Variants in DCC observed in about 807,000 individuals in gnomAD.
DCC encodes netrin receptor DCC.
A neutral mutation model predicts 172.5 loss-of-function variants in DCC; 58 were observed. The observed-to-expected ratio is 0.34, with a 90% CI of 0.27 to 0.42. The LOEUF (loss-of-function observed/expected upper bound fraction) is 0.42. Ranked by LOEUF, DCC falls within the 10% of genes least tolerant of loss-of-function variation. DCC has a pLI of 1.00. For missense variants in DCC, 1,740 were observed against 1,791.0 expected (o/e 0.97, Z 0.51); for synonymous variants, 709 against 644.5 (o/e 1.10, Z -1.52).
rs1175897701 is a variant in DCC, at chr18:53,205,206, T to G, written c.1574-10T>G. On this transcript the variant is annotated splice_polypyrimidine_tract_variant and intron_variant, in intron 9 of 28. Transcript: ENST00000442544. The stretch of plus-strand genomic sequence containing the variant: ...ACTTTTCTTTCTTTCTTTATTATTT[T>G]TTTATACAGTGCAAGTTCCAGGGCC... The G allele has an allele frequency of 2.5e-6, 4 of 1,609,828 alleles. No individual in the cohort carries two copies. In the East Asian group the frequency reaches 8.9e-5, roughly 36 times the overall value.
At chr18:52,950,849 C>T (rs577743853) in intron 5 of DCC, among the ~76,000 whole-genome samples, 9 of 138,158 alleles carry the variant, frequency 6.5e-5, no homozygotes, top group East Asian at 4.8e-4. Context: ...GGCGTGAACC[C>T]GGGAGGCGGA....
chr18:52,987,461 G>C (rs1599001928), intron 5 of DCC, among the ~76,000 whole-genome samples: 2 of 152,122 alleles, frequency 1.3e-5, no homozygotes, highest in Admixed American at 1.3e-4. Flanking sequence ...TTCATCATTT[G>C]TTGACCACAC....
intron 1 of DCC, among the ~76,000 whole-genome samples, chr18:52,522,812 G>T (rs1461825076): frequency 1.3e-5 from 2 of 152,066 alleles, no homozygotes; most frequent in Non-Finnish European, 2.9e-5. Flanking sequence ...ATATTTTATA[G>T]TACCCCACCT....
intron 5 of DCC, among the ~76,000 whole-genome samples, chr18:53,023,551 T>C (rs901639513): frequency 2.8e-4 from 43 of 151,946 alleles, no homozygotes; most frequent in Admixed American, 2.8e-3. Context: ...TTTACAAACC[T>C]GCACATGGAC....
At chr18:53,500,345 C>T (rs1438636126) in intron 27 of DCC, among the ~76,000 whole-genome samples, 2 of 152,022 alleles carry the variant, frequency 1.3e-5, no homozygotes, top group Non-Finnish European at 2.9e-5. Flanking sequence ...TAGAATAATT[C>T]TTAAAATCCT....
At chr18:52,674,331 G>A (rs891637407) in intron 1 of DCC, among the ~76,000 whole-genome samples, 7 of 152,060 alleles carry the variant, frequency 4.6e-5, no homozygotes, top group African/African-American at 1.7e-4. Flanking sequence ...AAGGGCAGGA[G>A]AACAATGATG....
At chr18:52,619,169 C>A (rs1487428344) in intron 1 of DCC, among the ~76,000 whole-genome samples, 1 of 152,158 alleles carries the variant, frequency 6.6e-6, no homozygotes, top group South Asian at 2.1e-4. Context: ...AACTCCTGAC[C>A]TCAAGTGATC....
At chr18:52,614,897 G>T (rs1598959095) in intron 1 of DCC, among the ~76,000 whole-genome samples, 1 of 152,284 alleles carries the variant, frequency 6.6e-6, no homozygotes. Context: ...ATGTCATCCA[G>T]AGTGGCTACT....
intron 3 of DCC, among the ~76,000 whole-genome samples, chr18:52,907,325 TCC>T (rs1451385021): frequency 6.2e-4 from 93 of 149,420 alleles, no homozygotes; most frequent in African/African-American, 2.1e-3. Flanking sequence ...TATGTATATA[TCC>T]ATATGGATAT....
chr18:52,459,481 T>C (rs1351327034), intron 1 of DCC, among the ~76,000 whole-genome samples: 6 of 152,078 alleles, frequency 3.9e-5, no homozygotes, highest in Admixed American at 3.9e-4. Flanking sequence ...TCTTTCTTTC[T>C]TTTTGAAACA....
intron 1 of DCC, among the ~76,000 whole-genome samples, chr18:52,363,610 A>AG (rs1984714766): frequency 6.6e-6 from 1 of 152,218 alleles, no homozygotes; most frequent in Non-Finnish European, 1.5e-5. Context: ...ATAGCCCATA[A>AG]GAAAGGGCAC....
intron 20 of DCC, among the ~76,000 whole-genome samples, chr18:53,413,585 A>T (rs974837458): frequency 8.5e-5 from 13 of 152,216 alleles, no homozygotes; most frequent in Non-Finnish European, 5.9e-5. Flanking sequence ...TTCAAAAGAT[A>T]AAAATGAGAA....
chr18:52,925,224 T>A lies in DCC; in HGVS notation c.849-10T>A. 1 of 1,611,424 alleles carries A rather than the reference T, an allele frequency of 6.2e-7. No individual in the cohort carries two copies. Among genetic ancestry groups the A allele is most frequent in the Non-Finnish European group, 8.5e-7 (1 of 1,177,940 alleles). On this transcript the variant is annotated splice_polypyrimidine_tract_variant and intron_variant, in intron 4 of 28. Transcript: ENST00000442544. ...GTTAATTTACTCTGCACCTTCCCTA[T>A]GTCTTGCAGGTCTAAAAAGTATTCT...
intron 1 of DCC, among the ~76,000 whole-genome samples, chr18:52,560,448 G>A (rs978897417): frequency 3.3e-5 from 5 of 152,150 alleles, no homozygotes; most frequent in African/African-American, 1.2e-4. Flanking sequence ...CTGCTCTCTG[G>A]TTAAACTGAA....
chr18:53,039,990 A>G (rs889849934), intron 5 of DCC, among the ~76,000 whole-genome samples: 1 of 151,988 alleles, frequency 6.6e-6, no homozygotes, highest in Non-Finnish European at 1.5e-5. Context: ...TTGCTAAATT[A>G]ATTTAAACTG....
At chr18:52,842,003 C>T (rs565291088) in intron 2 of DCC, among the ~76,000 whole-genome samples, 366 of 26,352 alleles carry the variant, frequency 0.014, no homozygotes, top group African/African-American at 0.027. Context: ...ACAATTTTTG[C>T]GCATATATAT....
chr18:52,697,740 A>G (rs2036037775), intron 1 of DCC, among the ~76,000 whole-genome samples: 1 of 152,226 alleles, frequency 6.6e-6, no homozygotes, highest in Non-Finnish European at 1.5e-5. Context: ...TGTAAATGCC[A>G]TACTTCTAAA....
chr18:52,888,637 C>G (rs1260617745), intron 2 of DCC, among the ~76,000 whole-genome samples: 1 of 151,614 alleles, frequency 6.6e-6, no homozygotes, highest in Non-Finnish European at 1.5e-5. Flanking sequence ...ATAAATATTG[C>G]AAAAAACATT....
chr18:52,418,863 T>C lies in DCC; in HGVS notation c.91+77985T>C, dbSNP rs1006829844. On this transcript the variant is annotated intron_variant, in intron 1 of 28. Transcript: ENST00000442544. ...TTTTCTTTCTTTCTTTCTTTCTTTT[T>C]TTTTTTTTTTTTTTTGAGATGGAGT... Among the ~76,000 whole-genome samples the C allele has an allele frequency of 7.7e-4, 110 of 142,682 alleles. 1 individual carries two copies. The highest frequency in any genetic ancestry group is 2.4e-3 in the African/African-American group (93 of 38,272). 93.6% of individuals were successfully genotyped at this position (142,682 alleles called of 152,430 possible). A position where few individuals can be genotyped will look rare whatever the true frequency, so the allele number is the denominator to read the frequency against.
Sources: allele counts gnomAD v4.1 joint callset (sites outside exome capture counted in the v4.1 genomes callset), GRCh38; gene constraint gnomAD v4.1.1; transcripts MANE v1.5; gene names NCBI Gene and HGNC (gene_info 2026-07-23, HGNC 2026-07-21).